Variants in INSYN2B observed in about 807,000 individuals in gnomAD.
The protein encoded by INSYN2B is inhibitory synaptic factor family member 2B, also known as protein INSYN2B.
Under a neutral mutation model 41.2 loss-of-function variants are expected in INSYN2B, and 16 were observed. The observed-to-expected ratio is 0.39, with a 90% CI of 0.26 to 0.59. The LOEUF (loss-of-function observed/expected upper bound fraction) is 0.59. INSYN2B is among the 20% of genes least tolerant of loss of function. INSYN2B has a pLI of 0.57. For missense variants in INSYN2B, 608 were observed against 646.4 expected (o/e 0.94, Z 0.64); for synonymous variants, 245 against 244.4 (o/e 1.00, Z -0.02).
intron 1 of INSYN2B, among the ~76,000 whole-genome samples, chr5:169,890,626 A>G (rs2113536797): frequency 1.3e-5 from 2 of 152,342 alleles, no homozygotes; most frequent in Admixed American, 1.3e-4. Context: ...GGTCAAAGAA[A>G]CAAAGGGAAT....
At chr5:169,887,802 T>C (rs1773057062) in intron 1 of INSYN2B, among the ~76,000 whole-genome samples, 1 of 152,242 alleles carries the variant, frequency 6.6e-6, no homozygotes, top group Admixed American at 6.5e-5. Context: ...TACTACCATG[T>C]TACCACTCAT....
intron 3 of INSYN2B, among the ~76,000 whole-genome samples, chr5:169,867,864 C>T (rs899029655): frequency 3.3e-5 from 5 of 152,126 alleles, no homozygotes; most frequent in Non-Finnish European, 7.4e-5. Context: ...GATTGAGAGC[C>T]TAGGCAACCC....
chr5:169,886,272 G>C (rs1429541356), intron 1 of INSYN2B, among the ~76,000 whole-genome samples: 5 of 152,178 alleles, frequency 3.3e-5, no homozygotes, highest in Admixed American at 6.5e-5. Context: ...AGCAGGGTTG[G>C]CTTCTGAGAG....
chr5:169,888,846 G>C (rs1773124372), intron 1 of INSYN2B, among the ~76,000 whole-genome samples: 1 of 152,176 alleles, frequency 6.6e-6, no homozygotes, highest in South Asian at 2.1e-4. Context: ...ATTTGTCTTT[G>C]TCCCTCCTCT....
At chr5:169,866,010 A>G (rs2113430653) in intron 3 of INSYN2B, among the ~76,000 whole-genome samples, 1 of 151,740 alleles carries the variant, frequency 6.6e-6, no homozygotes, top group East Asian at 1.9e-4. Flanking sequence ...GAGATGGAAG[A>G]GGCAGGGCTG....
chr5:169,944,235 A>G (rs1370368664), intron 1 of INSYN2B, among the ~76,000 whole-genome samples: 1 of 152,132 alleles, frequency 6.6e-6, no homozygotes, highest in African/African-American at 2.4e-5. Flanking sequence ...GGTGAGCCCC[A>G]ACTCCCTGAT....
At chr5:169,951,772 T>G (rs952849631) in intron 1 of INSYN2B, among the ~76,000 whole-genome samples, 17 of 152,222 alleles carry the variant, frequency 1.1e-4, no homozygotes, top group Non-Finnish European at 2.9e-5. Context: ...TGTTTAAGCC[T>G]CTTCCACACA....
chr5:169,945,569 G>A (rs1281370782), intron 1 of INSYN2B, among the ~76,000 whole-genome samples: 2 of 152,214 alleles, frequency 1.3e-5, no homozygotes, highest in Non-Finnish European at 2.9e-5. Flanking sequence ...CATTTCGAAG[G>A]TGAGAAAATC....
chr5:169,925,745 TA>T (rs1220808901), intron 1 of INSYN2B, among the ~76,000 whole-genome samples: 2 of 151,682 alleles, frequency 1.3e-5, no homozygotes. Context: ...TTGGGAGCAT[TA>T]AAAGAGATCA....
chr5:169,954,607 G>A (rs145263442), intron 1 of INSYN2B, among the ~76,000 whole-genome samples: 88 of 152,320 alleles, frequency 5.8e-4, no homozygotes, highest in East Asian at 2.1e-3. Flanking sequence ...TTTATGAAAG[G>A]GATAACTCAG....
In INSYN2B at chr5:169,864,222, A is replaced by G. The variant is rs934827095; in HGVS notation, c.*51T>C. On this transcript the variant is annotated 3_prime_UTR_variant, in exon 4 of 4. Transcript: ENST00000377365. ...AGGCCTTAAGTGCAGTGGATTTCCC[A>G]TCTCAGGGAAGTGCGTGGAGTTGGG... The G allele has an allele frequency of 9.6e-6, 14 of 1,465,040 alleles. No individual in the cohort carries two copies. The highest frequency in any genetic ancestry group is 8.4e-5 in the African/African-American group (6 of 71,466). 90.8% of individuals were successfully genotyped at this position (1,465,040 alleles called of 1,614,324 possible). A position where few individuals can be genotyped will look rare whatever the true frequency, so the allele number is the denominator to read the frequency against.
intron 1 of INSYN2B, among the ~76,000 whole-genome samples, chr5:169,945,129 C>T (rs1212930068): frequency 6.6e-6 from 1 of 152,180 alleles, no homozygotes; most frequent in Non-Finnish European, 1.5e-5. Flanking sequence ...TTTCTCTTGG[C>T]CCCAGAAGAA....
intron 1 of INSYN2B, among the ~76,000 whole-genome samples, chr5:169,889,585 G>A (rs541964061): frequency 3.9e-5 from 6 of 152,326 alleles, no homozygotes; most frequent in East Asian, 1.9e-4. Flanking sequence ...GGTGCTTTAC[G>A]TGTTAACTGG....
chr5:169,893,670 A>C (rs1429813202), intron 1 of INSYN2B, among the ~76,000 whole-genome samples: 1 of 152,058 alleles, frequency 6.6e-6, no homozygotes, highest in Non-Finnish European at 1.5e-5. Flanking sequence ...GTCATGTTTC[A>C]CCCCTCTTCT....
chr5:169,902,751 G>C (rs546882724), intron 1 of INSYN2B, among the ~76,000 whole-genome samples: 2 of 152,172 alleles, frequency 1.3e-5, no homozygotes, highest in Non-Finnish European at 2.9e-5. Context: ...CTAGGGACAC[G>C]GCAGTGAGCT....
intron 3 of INSYN2B, among the ~76,000 whole-genome samples, chr5:169,870,566 G>T (rs1162573627): frequency 2.6e-5 from 4 of 151,190 alleles, no homozygotes; most frequent in South Asian, 4.2e-4. Context: ...TAGATCTGTG[G>T]GTTTTTTTCT....
chr5:169,903,481 C>G (rs1774072033), intron 1 of INSYN2B, among the ~76,000 whole-genome samples: 1 of 139,898 alleles, frequency 7.1e-6, no homozygotes, highest in East Asian at 2.1e-4. Flanking sequence ...TCCTCAAGGG[C>G]AGGGTTGTCT....
chr5:169,873,828 G>T (rs142578655), intron 3 of INSYN2B, among the ~76,000 whole-genome samples: 1 of 152,144 alleles, frequency 6.6e-6, no homozygotes, highest in African/African-American at 2.4e-5. Flanking sequence ...ACCTCCAACC[G>T]TGTGACCTCA....
At chr5:169,906,222 C>G (rs1197907062) in intron 1 of INSYN2B, among the ~76,000 whole-genome samples, 2 of 152,148 alleles carry the variant, frequency 1.3e-5, no homozygotes, top group Admixed American at 1.3e-4. Context: ...TTTCTGACGT[C>G]AAACGCAAGC....
Sources: gnomAD v4.1 joint callset for allele counts (sites outside exome capture counted in the v4.1 genomes callset) on GRCh38, gnomAD v4.1.1 for gene constraint, MANE v1.5 for transcripts, NCBI Gene and HGNC (gene_info 2026-07-23, HGNC 2026-07-21) for gene names.